Variants in GRIK4 observed in about 807,000 individuals in gnomAD.
The protein encoded by GRIK4 is glutamate ionotropic receptor kainate type subunit 4, also known as glutamate receptor ionotropic, kainate 4.
In GRIK4, 40 loss-of-function variants were observed where a neutral mutation model predicts 104.9. The observed-to-expected ratio is 0.38, with a 90% CI of 0.30 to 0.50. The LOEUF (loss-of-function observed/expected upper bound fraction) is 0.50, where lower values mean the gene tolerates loss of function less well. Ranked by LOEUF, GRIK4 falls within the 20% of genes least tolerant of loss-of-function variation. The probability of loss-of-function intolerance (pLI) is 0.93; values close to 1 mark genes in which losing one functional copy is unlikely to be tolerated. For missense variants in GRIK4, 1,047 were observed against 1,308.1 expected (o/e 0.80, Z 3.08); for synonymous variants, 485 against 524.9 (o/e 0.92, Z 1.04).
chr11:120,527,200 A>AC (rs1470027914), intron 1 of GRIK4, among the ~76,000 whole-genome samples: 5 of 152,266 alleles, frequency 3.3e-5, no homozygotes, highest in African/African-American at 1.2e-4. Flanking sequence ...TGGCTTCTGG[A>AC]GCTGCGTCAT....
chr11:120,987,656 C>T lies in GRIK4; in HGVS notation c.*1396C>T, dbSNP rs1260920148. 8 of 152,230 alleles carry T rather than the reference C, an allele frequency of 5.3e-5. No homozygotes were observed. The East Asian group carries it at 1.5e-3, about 29-fold the overall frequency. The allele number at this position is 152,230 out of a possible 1,614,324, so 9.4% of individuals were successfully genotyped here. On this transcript the variant is annotated 3_prime_UTR_variant, in exon 21 of 21. Coordinates refer to ENST00000527524, the MANE Select transcript of GRIK4 (RefSeq NM_014619.5). ...ACTTTAGGTAAAGCATTTAACTTCT[C>T]TTCCATCTACCAAATAGGAGTTACT... is the stretch of plus-strand genomic sequence containing the variant.
At chr11:120,546,595 A>C (rs1948087520) in intron 1 of GRIK4, among the ~76,000 whole-genome samples, 1 of 152,118 alleles carries the variant, frequency 6.6e-6, no homozygotes. Flanking sequence ...CTCATAGCAT[A>C]TCCCCATGGG....
intron 1 of GRIK4, among the ~76,000 whole-genome samples, chr11:120,556,376 C>G (rs1344457851): frequency 6.6e-6 from 1 of 152,172 alleles, no homozygotes; most frequent in African/African-American, 2.4e-5. Context: ...TCTCTCCACT[C>G]CCCCAGTCTG....
At chr11:120,963,783 T>A (rs1944333616) in intron 18 of GRIK4, among the ~76,000 whole-genome samples, 1 of 152,168 alleles carries the variant, frequency 6.6e-6, no homozygotes. Context: ...CTGGCTGTGG[T>A]ACCTTAGATG....
In GRIK4 at chr11:120,956,649, G is replaced by A; in HGVS notation, c.1701-131G>A. ...TTTTTTTTTGGTTGCGAAACTCCAA[G>A]TCCAGCAAAGGGAAGTGGCTTGCCC... On this transcript the variant is annotated intron_variant, in intron 15 of 20. Coordinates refer to ENST00000527524, the MANE Select transcript of GRIK4 (RefSeq NM_014619.5). This position sits in a 1 kb window ranked among gnomAD's most constrained non-coding sequence, Gnocchi z 4.6. The A allele has an allele frequency of 1.9e-6, 1 of 514,740 alleles. No homozygotes were observed. The highest frequency in any genetic ancestry group is 3.3e-6 in the Non-Finnish European group (1 of 302,076). The allele number at this position is 514,740 out of a possible 1,614,324, so 31.9% of individuals were successfully genotyped here. A position where few individuals can be genotyped will look rare whatever the true frequency, so the allele number is the denominator to read the frequency against.
chr11:120,546,528 C>A (rs1948086888), intron 1 of GRIK4, among the ~76,000 whole-genome samples: 1 of 152,156 alleles, frequency 6.6e-6, no homozygotes, highest in Non-Finnish European at 1.5e-5. Flanking sequence ...CCCTAGAGAT[C>A]CACCTAGAGG....
At chr11:120,515,525 C>T (rs1947714629) in intron 1 of GRIK4, among the ~76,000 whole-genome samples, 3 of 152,206 alleles carry the variant, frequency 2.0e-5, no homozygotes, top group Non-Finnish European at 4.4e-5. Flanking sequence ...TCTGCTCTCC[C>T]TCTGTATGGG....
intron 1 of GRIK4, among the ~76,000 whole-genome samples, chr11:120,536,632 G>A (rs1446504136): frequency 6.6e-6 from 1 of 152,120 alleles, no homozygotes; most frequent in Non-Finnish European, 1.5e-5. Context: ...TCGTCCTTGG[G>A]CCTGTTCTGG....
chr11:120,862,120 G>GGT lies in GRIK4; in HGVS notation c.906+1_906+2dup. On this transcript the variant is annotated frameshift_variant and splice_region_variant. Transcript: ENST00000527524. LOFTEE classifies it high-confidence loss of function. ...ACCATGTGCCCTTCACTGGGCCTGC[G>GGT]GTAAGTACCCGCCAGAGCTCTTCCT... 6.2e-7 allele frequency: 1 copy of GGT among 1,613,300 alleles called. No individual in the cohort carries two copies. The highest frequency in any genetic ancestry group is 8.5e-7 in the Non-Finnish European group (1 of 1,179,708).
intron 3 of GRIK4, among the ~76,000 whole-genome samples, chr11:120,709,218 A>G (rs1388797438): frequency 6.6e-6 from 1 of 151,776 alleles, no homozygotes; most frequent in African/African-American, 2.4e-5. Flanking sequence ...CAGGAATTCT[A>G]AAGTTTGAGA....
intron 1 of GRIK4, among the ~76,000 whole-genome samples, chr11:120,602,709 T>C (rs912521259): frequency 6.6e-6 from 1 of 152,200 alleles, no homozygotes; most frequent in African/African-American, 2.4e-5. Context: ...TATCTTCTTC[T>C]TATTAGCATT....
chr11:120,676,182 G>A (rs936054776), intron 3 of GRIK4, among the ~76,000 whole-genome samples: 8 of 152,176 alleles, frequency 5.3e-5, no homozygotes, highest in African/African-American at 1.9e-4. Context: ...TTCAAGGCCA[G>A]TAATGGTGGG....
chr11:120,783,200 T>A (rs1952195475), intron 3 of GRIK4, among the ~76,000 whole-genome samples: 1 of 152,204 alleles, frequency 6.6e-6, no homozygotes, highest in Non-Finnish European at 1.5e-5. Flanking sequence ...ATAGGATTGT[T>A]CCCCTCTCTG....
chr11:120,643,138 T>C (rs1416177744), intron 1 of GRIK4, among the ~76,000 whole-genome samples: 4 of 152,214 alleles, frequency 2.6e-5, no homozygotes, highest in Non-Finnish European at 5.9e-5. Context: ...AGGAGCTCGC[T>C]ACTCTTTAGC....
chr11:120,947,668 T>A (rs1412459865), intron 14 of GRIK4, among the ~76,000 whole-genome samples: 2 of 152,214 alleles, frequency 1.3e-5, no homozygotes, highest in East Asian at 3.8e-4. Context: ...GATCCCTGAA[T>A]GTATAATAAT....
chr11:120,751,173 G>T (rs2099876110), intron 3 of GRIK4, among the ~76,000 whole-genome samples: 1 of 151,916 alleles, frequency 6.6e-6, no homozygotes. Flanking sequence ...CCTACTTCAA[G>T]CACAATTAAC....
intron 1 of GRIK4, among the ~76,000 whole-genome samples, chr11:120,572,404 G>A (rs943551739): frequency 6.6e-6 from 1 of 152,276 alleles, no homozygotes; most frequent in African/African-American, 2.4e-5. Flanking sequence ...GGAGTAGAGC[G>A]TTGCGGAGAA....
intron 3 of GRIK4, among the ~76,000 whole-genome samples, chr11:120,794,629 A>C (rs1377707924): frequency 6.6e-6 from 1 of 152,150 alleles, no homozygotes; most frequent in Non-Finnish European, 1.5e-5. Context: ...TGCCATCCGC[A>C]CACCAAGGAG....
intron 3 of GRIK4, among the ~76,000 whole-genome samples, chr11:120,777,577 TGACA>T (rs1422812758): frequency 6.6e-6 from 1 of 152,240 alleles, no homozygotes; most frequent in Non-Finnish European, 1.5e-5. Flanking sequence ...TAGTGGGGGC[TGACA>T]GACAGACAAA....
Sources: gnomAD v4.1 joint callset for allele counts (sites outside exome capture counted in the v4.1 genomes callset) on GRCh38, gnomAD v4.1.1 for gene constraint, Gnocchi (gnomAD v3.1) non-coding constraint, MANE v1.5 for transcripts, NCBI Gene and HGNC (gene_info 2026-07-23, HGNC 2026-07-21) for gene names.